Variants in KCND2 observed in about 807,000 individuals in gnomAD.
KCND2 encodes A-type voltage-gated potassium channel KCND2.
A neutral mutation model predicts 54.4 loss-of-function variants in KCND2; 16 were observed. The ratio of observed to expected loss-of-function variants is 0.29; its 90% CI spans 0.20 to 0.45. The LOEUF is 0.45. Among genes scored for constraint, KCND2 ranks in the 20% least tolerant of loss-of-function variants. KCND2 has a pLI of 1.00. For missense variants in KCND2, 486 were observed against 824.2 expected (o/e 0.59, Z 5.02); for synonymous variants, 317 against 310.7 (o/e 1.02, Z -0.21).
intron 1 of KCND2, among the ~76,000 whole-genome samples, chr7:120,330,295 G>A (rs1395010979): frequency 1.3e-5 from 2 of 152,058 alleles, no homozygotes. Context: ...AATAAAAAAA[G>A]TAGGCTGGGC....
At chr7:120,655,688 C>T (rs1229771204) in intron 1 of KCND2, among the ~76,000 whole-genome samples, 1 of 152,070 alleles carries the variant, frequency 6.6e-6, no homozygotes, top group Admixed American at 6.6e-5. Flanking sequence ...TCATGACCTA[C>T]TCATTTTCTC....
chr7:120,728,211 C>G (rs1792759975), intron 1 of KCND2, among the ~76,000 whole-genome samples: 1 of 149,506 alleles, frequency 6.7e-6, no homozygotes, highest in Admixed American at 6.7e-5. Context: ...TAACGATGTT[C>G]AAGTTGCTGT....
intron 1 of KCND2, among the ~76,000 whole-genome samples, chr7:120,499,660 C>T (rs1230941199): frequency 1.3e-5 from 2 of 152,112 alleles, no homozygotes. Context: ...CTCCAACATA[C>T]ACCCTTTCCT....
At chr7:120,410,188 A>C (rs2116104951) in intron 1 of KCND2, among the ~76,000 whole-genome samples, 1 of 152,088 alleles carries the variant, frequency 6.6e-6, no homozygotes, top group East Asian at 1.9e-4. Flanking sequence ...GTTGAAAATC[A>C]ACTGACCAAA....
intron 1 of KCND2, among the ~76,000 whole-genome samples, chr7:120,538,890 T>G (rs1301450456): frequency 1.3e-5 from 2 of 151,948 alleles, no homozygotes; most frequent in Non-Finnish European, 2.9e-5. Flanking sequence ...CTGCCCAGGC[T>G]CCCACCTGTT....
At chr7:120,720,954 C>A (rs1792658175) in intron 1 of KCND2, among the ~76,000 whole-genome samples, 1 of 152,068 alleles carries the variant, frequency 6.6e-6, no homozygotes, top group African/African-American at 2.4e-5. Context: ...GAGGAGCATA[C>A]GAAGAGAAGT....
intron 1 of KCND2, among the ~76,000 whole-genome samples, chr7:120,342,065 T>C (rs941808799): frequency 1.3e-5 from 2 of 151,824 alleles, no homozygotes; most frequent in African/African-American, 4.8e-5. Flanking sequence ...ATTTGACTCA[T>C]GTGTTGATAT....
chr7:120,708,809 G>A (rs966873531), intron 1 of KCND2, among the ~76,000 whole-genome samples: 5 of 151,970 alleles, frequency 3.3e-5, no homozygotes, highest in Admixed American at 1.3e-4. Flanking sequence ...ATATCATAAT[G>A]TGCAACTATG....
At chr7:120,666,884 G>A (rs544940645) in intron 1 of KCND2, among the ~76,000 whole-genome samples, 154 of 152,116 alleles carry the variant, frequency 1.0e-3, no homozygotes, top group African/African-American at 3.2e-3. Context: ...GAAATTAAGC[G>A]TAAAGAAATT....
chr7:120,592,046 C>T (rs901180173), intron 1 of KCND2, among the ~76,000 whole-genome samples: 3 of 152,100 alleles, frequency 2.0e-5, no homozygotes, highest in African/African-American at 7.2e-5. Context: ...TATTGCCATG[C>T]TAGGTATCCT....
rs757947725 is a variant in KCND2 at position 120,275,023 on chromosome 7, G to T, written c.391G>T (p.Asp131Tyr). Residue 131 changes from aspartate (D) to tyrosine (Y), a missense_variant, in exon 1 of 6, where the codon GAC becomes TAC. By Grantham distance (160) the Asp-to-Tyr change is radical (BLOSUM62 -3). Coordinates refer to ENST00000331113, the MANE Select transcript of KCND2 (RefSeq NM_012281.3). ...TGGCCTCATCCCGGAAATCATCGGC[G>T]ACTGCTGTTATGAGGAGTACAAGGA... ...FFGLIPEIIG[D>Y]CCYEEYKDRR... The T allele has an allele frequency of 6.2e-7, 1 of 1,614,020 alleles. No homozygotes were observed. Among genetic ancestry groups the T allele is most frequent in the Non-Finnish European group, 8.5e-7 (1 of 1,180,036 alleles).
intron 1 of KCND2, among the ~76,000 whole-genome samples, chr7:120,407,188 C>T (rs1007605492): frequency 2.4e-4 from 36 of 152,044 alleles, no homozygotes; most frequent in East Asian, 3.9e-4. Context: ...ATGTTTTTCC[C>T]GTGAATCATC....
intron 1 of KCND2, among the ~76,000 whole-genome samples, chr7:120,565,151 T>C (rs1280935231): frequency 6.6e-6 from 1 of 152,118 alleles, no homozygotes; most frequent in East Asian, 1.9e-4. Context: ...CAAATACTGG[T>C]ATTAAATTAG....
chr7:120,380,108 G>T (rs1165093114), intron 1 of KCND2, among the ~76,000 whole-genome samples: 3 of 151,988 alleles, frequency 2.0e-5, no homozygotes, highest in Admixed American at 6.6e-5. Flanking sequence ...GTTATAGCAA[G>T]TATCGTAAAT....
chr7:120,458,156 T>A (rs887623501), intron 1 of KCND2, among the ~76,000 whole-genome samples: 2 of 152,234 alleles, frequency 1.3e-5, no homozygotes, highest in East Asian at 3.9e-4. Context: ...CCCCCAAATA[T>A]GCAGCAGAAC....
chr7:120,341,093 GT>G (rs1800233779), intron 1 of KCND2, among the ~76,000 whole-genome samples: 1 of 152,158 alleles, frequency 6.6e-6, no homozygotes, highest in African/African-American at 2.4e-5. Flanking sequence ...GAGTATATGA[GT>G]TTGGTTGTGG....
rs148069066 is a variant in KCND2 at position 120,634,937 on chromosome 7, C to T, written c.1116-97966C>T. Among the ~76,000 whole-genome samples the T allele has an allele frequency of 1.7e-3, 261 of 152,268 alleles. 2 individuals are homozygous for T. Among genetic ancestry groups the T allele is most frequent in the African/African-American group, 5.6e-3 (232 of 41,558 alleles). On this transcript the variant is annotated intron_variant, in intron 1 of 5. Coordinates refer to ENST00000331113, the MANE Select transcript of KCND2 (RefSeq NM_012281.3). Reference sequence around the variant, plus strand: ...AGGTTCTGCCTCACACCACCTCTTCCTCACATCTCAGCTACATCATGCTGT... The same window carrying T: ...AGGTTCTGCCTCACACCACCTCTTCTTCACATCTCAGCTACATCATGCTGT...
At chr7:120,380,107 A>G (rs939667630) in intron 1 of KCND2, among the ~76,000 whole-genome samples, 4 of 152,108 alleles carry the variant, frequency 2.6e-5, no homozygotes, top group African/African-American at 9.7e-5. Context: ...AGTTATAGCA[A>G]GTATCGTAAA....
At chr7:120,273,161 A>T (rs1002203135), upstream of KCND2, among the ~76,000 whole-genome samples, 47 of 152,318 alleles carry the variant, frequency 3.1e-4, 1 homozygote, top group African/African-American at 1.1e-3. Flanking sequence ...AGGGAAAGGC[A>T]GGAGACGCCT....
Sources: allele counts gnomAD v4.1 joint callset (sites outside exome capture counted in the v4.1 genomes callset), GRCh38; gene constraint gnomAD v4.1.1; transcripts MANE v1.5; gene names NCBI Gene and HGNC (gene_info 2026-07-23, HGNC 2026-07-21).